AFF1: variants seen among roughly 807,000 people sequenced by gnomAD.
AFF1 encodes ALF transcription elongation factor 1, also known as AF4/FMR2 family member 1.
In AFF1, 48 loss-of-function variants were observed where a neutral mutation model predicts 121.7. The observed-to-expected ratio is 0.39, with a 90% confidence interval of 0.31 to 0.50. AFF1 has a LOEUF of 0.50. Ranked by LOEUF, AFF1 falls within the 20% of genes least tolerant of loss-of-function variation. AFF1 has a pLI of 0.76. For missense variants in AFF1, 1,523 were observed against 1,511.7 expected, an observed-to-expected ratio of 1.01 and a Z score of -0.12; for synonymous variants, 613 against 563.0, an observed-to-expected ratio of 1.09 and a Z score of -1.26.
chr4:86,993,558 A>G (rs1724889450), intron 2 of AFF1, among the ~76,000 whole-genome samples: 1 of 152,182 alleles, frequency 6.6e-6, no homozygotes, highest in South Asian at 2.1e-4. Flanking sequence ...AATGGTAGTA[A>G]TTGTGGACAC....
At chr4:86,990,162 AAATTAT>A (rs2149503334) in intron 2 of AFF1, among the ~76,000 whole-genome samples, 1 of 81,918 alleles carries the variant, frequency 1.2e-5, no homozygotes, top group African/African-American at 3.2e-5. Context: ...TCCAGAACTT[AAATTAT>A]AATAATAATA....
chr4:87,040,954 C>T (rs570031238), intron 2 of AFF1, among the ~76,000 whole-genome samples: 8 of 136,960 alleles, frequency 5.8e-5, no homozygotes, highest in Non-Finnish European at 9.1e-5. Flanking sequence ...CGGCTCAGTG[C>T]AACCTCTACC....
At chr4:87,017,279 T>C (rs1311464406) in intron 2 of AFF1, among the ~76,000 whole-genome samples, 1 of 152,144 alleles carries the variant, frequency 6.6e-6, no homozygotes, top group Non-Finnish European at 1.5e-5. Context: ...ATCTTCATAG[T>C]TATTTGGGCT....
chr4:87,062,054 G>A (rs1023078653), intron 4 of AFF1, among the ~76,000 whole-genome samples: 1 of 152,094 alleles, frequency 6.6e-6, no homozygotes, highest in Non-Finnish European at 1.5e-5. Context: ...TTAGACGGCT[G>A]TTCCCAAAAC....
chr4:87,016,994 A>G (rs1727359053), intron 2 of AFF1, among the ~76,000 whole-genome samples: 1 of 152,122 alleles, frequency 6.6e-6, no homozygotes, highest in African/African-American at 2.4e-5. Context: ...TGTGATGGAC[A>G]GGTTGTCCCA....
intron 4 of AFF1, among the ~76,000 whole-genome samples, chr4:87,056,293 A>G (rs921746118): frequency 1.3e-5 from 2 of 152,208 alleles, no homozygotes; most frequent in Non-Finnish European, 2.9e-5. Context: ...CTGAAAACTC[A>G]TATTGGACAG....
intron 5 of AFF1, 52 bp downstream of exon 5, chr4:87,084,216 C>G (rs369318915): frequency 6.4e-7 from 1 of 1,557,958 alleles, no homozygotes; most frequent in African/African-American, 1.4e-5. Context: ...AGTAGGTAGG[C>G]GTACATCCAT....
chr4:87,062,793 G>A (rs760130651), intron 4 of AFF1, among the ~76,000 whole-genome samples: 3 of 152,128 alleles, frequency 2.0e-5, no homozygotes, highest in Non-Finnish European at 4.4e-5. Context: ...ATAACTAGTG[G>A]TGAATAAGTA....
At chr4:87,015,829 C>T (rs1431593006) in intron 2 of AFF1, among the ~76,000 whole-genome samples, 1 of 152,200 alleles carries the variant, frequency 6.6e-6, no homozygotes, top group African/African-American at 2.4e-5. Context: ...TGAGGTCACT[C>T]GTATTCTGTG....
chr4:87,063,837 G>T (rs992178713), intron 4 of AFF1, among the ~76,000 whole-genome samples: 1 of 152,174 alleles, frequency 6.6e-6, no homozygotes, highest in Non-Finnish European at 1.5e-5. Context: ...TAGGAAAATT[G>T]TATATTATCC....
At position 87,140,822 on chromosome 4, in the gene AFF1, G is replaced by T. The variant is rs548806780; in HGVS notation, c.*5121G>T. On this transcript the variant is annotated 3_prime_UTR_variant, in exon 21 of 21. Transcript: ENST00000395146. ...AGCTGCCTTGTATAGTCGTTTGAAA[G>T]AATATGTGATCTGTGAGAGAATTAT... 1.1e-5 allele frequency: 2 copies of T among 188,240 alleles called. No homozygotes were observed. Among genetic ancestry groups the T allele is most frequent in the African/African-American group, 2.3e-5 (1 of 42,888 alleles). 11.7% of individuals were successfully genotyped at this position (188,240 alleles called of 1,614,324 possible). A position where few individuals can be genotyped will look rare whatever the true frequency, so the allele number is the denominator to read the frequency against.
At position 87,134,617 on chromosome 4, in the gene AFF1, A is replaced by G. The variant is rs1445214351; in HGVS notation, c.3458A>G (p.Tyr1153Cys). The G allele has an allele frequency of 5.0e-6, 8 of 1,614,160 alleles. No individual in the cohort carries two copies. The highest frequency in any genetic ancestry group is 1.6e-4 in the Middle Eastern group (1 of 6,062). ...PVTIQNMTSS[Y>C]VTITSHVLTA... ...ACCATCCAGAATATGACATCTTCCT[A>G]TGTCACCATCACATCCCATGTTCTT... Residue 1153 changes from tyrosine to cysteine, a missense_variant, in exon 20 of 21, where the codon TAT becomes TGT. Around this residue, in one of 5 missense-constraint regions of AFF1, gnomAD observed 241 missense variants for 265.2 expected, o/e 0.91. Transcript: ENST00000395146.
intron 2 of AFF1, among the ~76,000 whole-genome samples, chr4:87,007,635 A>G (rs1726299805): frequency 6.6e-6 from 1 of 152,138 alleles, no homozygotes; most frequent in African/African-American, 2.4e-5. Context: ...GGAGAGAGGG[A>G]TGGAGTTAAA....
At chr4:87,093,888 C>T (rs1319986058) in intron 7 of AFF1, among the ~76,000 whole-genome samples, 6 of 152,140 alleles carry the variant, frequency 3.9e-5, no homozygotes, top group African/African-American at 1.4e-4. Flanking sequence ...AATGCAGCTG[C>T]CTCCACACGT....
In AFF1 at chr4:86,953,045, A is replaced by T. The variant is rs185121587; in HGVS notation, c.38+4474A>T. On this transcript the variant is annotated intron_variant, in intron 2 of 20. Transcript: ENST00000395146. ...CCAGCAAAAAGAAAAAAGATACTTT[A>T]TATTCTATGACATATTTTTTTTGTT... Among the ~76,000 whole-genome samples, 248 of 148,154 alleles carry T rather than the reference A, an allele frequency of 1.7e-3. 1 individual carries two copies. Among genetic ancestry groups the T allele is most frequent in the African/African-American group, 5.9e-3 (236 of 40,024 alleles).
chr4:87,034,014 C>T (rs1048043789), intron 2 of AFF1, among the ~76,000 whole-genome samples: 4 of 151,966 alleles, frequency 2.6e-5, no homozygotes, highest in Non-Finnish European at 4.4e-5. Flanking sequence ...TGCAGGGAGT[C>T]AGATGATGAC....
intron 12 of AFF1, among the ~76,000 whole-genome samples, chr4:87,122,271 G>T (rs969770128): frequency 6.6e-6 from 1 of 152,224 alleles, no homozygotes; most frequent in Non-Finnish European, 1.5e-5. Context: ...GGTAACCTGG[G>T]CATAATTAGG....
intron 4 of AFF1, among the ~76,000 whole-genome samples, chr4:87,067,446 G>A (rs754575958): frequency 6.6e-6 from 1 of 152,204 alleles, no homozygotes; most frequent in Non-Finnish European, 1.5e-5. Context: ...AACTTCACGA[G>A]AATTACTGTA....
intron 12 of AFF1, 94 bp downstream of exon 12, chr4:87,115,393 G>A (rs1450529386): frequency 8.0e-7 from 1 of 1,249,118 alleles, no homozygotes; most frequent in Non-Finnish European, 1.1e-6. Flanking sequence ...AGGCCCAGTT[G>A]AGTTGTCTCA....
Sources: gnomAD v4.1 joint callset for allele counts (sites outside exome capture counted in the v4.1 genomes callset) on GRCh38, gnomAD v4.1.1 for gene constraint, gnomAD v4.1.1 regional missense constraint, MANE v1.5 for transcripts, NCBI Gene and HGNC (gene_info 2026-07-23, HGNC 2026-07-21) for gene names.